Variants in LAMA3 observed in about 807,000 individuals in gnomAD.
LAMA3 encodes laminin subunit alpha-3.
In LAMA3, 281 loss-of-function variants were observed where a neutral mutation model predicts 402.0. That is an observed-to-expected ratio of 0.70 (90% CI 0.63 to 0.77). The LOEUF is 0.77. LAMA3 is among the 30% of genes least tolerant of loss of function. LAMA3 has a pLI of 0.00. For synonymous variants in LAMA3, 1,431 were observed against 1,558.4 expected (o/e 0.92, Z 1.93); for missense variants, 3,840 against 4,215.5 (o/e 0.91, Z 2.47).
In LAMA3 at chr18:23,918,370, C is replaced by G. The variant is rs1478021977; in HGVS notation, c.7923+1675C>G. Among the ~76,000 whole-genome samples the G allele has an allele frequency of 1.3e-5, 2 of 152,156 alleles. No homozygotes were observed. Among genetic ancestry groups the G allele is most frequent in the Non-Finnish European group, 2.9e-5 (2 of 68,028 alleles). ...TTGTTATTTGAGAACCACTGCTTGC[C>G]TAAGAATCTACTTATTCTGACCCAA... On this transcript the variant is annotated intron_variant, in intron 60 of 74. Coordinates refer to ENST00000313654, the MANE Select transcript of LAMA3 (RefSeq NM_198129.4). The surrounding 1 kb of genome is among the most constrained non-coding windows in gnomAD (Gnocchi z 4.1).
At chr18:23,949,709 C>T (rs2082835555) in intron 70 of LAMA3, 56 bp from the exon 71 acceptor site, 9 of 1,579,694 alleles carry the variant, frequency 5.7e-6, no homozygotes, top group Non-Finnish European at 7.8e-6. Context: ...CCTTGGCTAC[C>T]CATGCCTTTC....
At position 23,914,515 on chromosome 18, in the gene LAMA3, A is replaced by G. The variant is rs2081543582; in HGVS notation, c.7435A>G (p.Lys2479Glu). Residue 2479 changes from lysine to glutamate, a missense_variant, in exon 57 of 75, where the codon AAG becomes GAG. This residue lies in a region of LAMA3 where 891 missense variants were observed against 857.5 expected (regional missense o/e 1.04). Transcript: ENST00000313654. ...AELQVDQILTKSETKEAVMDR... is the reference protein window; with the variant it reads ...AELQVDQILTESETKEAVMDR... ...ACTCCAAGTGGACCAGATCTTGACC[A>G]AGAGTGAGACTAAGGAGGCAGTTAT... The G allele has an allele frequency of 1.2e-6, 2 of 1,614,028 alleles. No individual in the cohort carries two copies. The highest frequency in any genetic ancestry group is 2.2e-5 in the South Asian group (2 of 91,074).
At chr18:23,861,495 C>T (rs780091327) in intron 34 of LAMA3, 151 bp from the exon 35 acceptor site, 32 of 793,028 alleles carry the variant, frequency 4.0e-5, no homozygotes, top group Non-Finnish European at 5.9e-5. Context: ...GGCTCTGGCT[C>T]GGGAGGGCAG....
intron 67 of LAMA3, 108 bp from the exon 68 acceptor site, chr18:23,939,115 A>G (rs1158752803): frequency 5.1e-6 from 6 of 1,186,238 alleles, no homozygotes; most frequent in South Asian, 3.7e-5. Context: ...CTATTGCCCT[A>G]CTGAATTCCT....
chr18:23,842,660 A>C lies in LAMA3; in HGVS notation c.3513A>C (p.Gln1171His). The C allele has an allele frequency of 1.9e-6, 3 of 1,614,150 alleles. No individual in the cohort carries two copies. The highest frequency in any genetic ancestry group is 2.5e-6 in the Non-Finnish European group (3 of 1,180,042). ...FCPHVLGCRD[Q>H]VIAEGQIEFD... is the part of the protein sequence containing the mutation. ...CCCATGTGCTTGGCTGCCGGGATCA[A>C]GTGATTGCCGAAGGCCAGATTGAGT... The change falls in exon 29 of 75, where the codon CAA (glutamine) becomes CAC (histidine). Residue 1171 changes from glutamine (Q) to histidine (H), a missense_variant. By Grantham distance (24) the Gln-to-His change is conservative (BLOSUM62 0). Transcript: ENST00000313654.
At chr18:23,776,702 C>T (rs2062327430) in intron 10 of LAMA3, among the ~76,000 whole-genome samples, 1 of 152,108 alleles carries the variant, frequency 6.6e-6, no homozygotes, top group African/African-American at 2.4e-5. Flanking sequence ...TGTTCTCATT[C>T]ACACCTCCCA....
Position 23,839,996 on chromosome 18 carries a change from C to T in LAMA3, c.3336+67C>T, listed in dbSNP as rs1282421245. 5.2e-6 allele frequency: 8 copies of T among 1,538,352 alleles called. No homozygotes were observed. In the East Asian group the frequency reaches 1.8e-4, roughly 35 times the overall value. ...CTCTGAAGCAGCAGCATCCACATCA[C>T]TTGGAAACTTGTCAGCAATGCAGAT... On this transcript the variant is annotated intron_variant, in intron 27 of 74. Transcript: ENST00000313654. This position sits in a 1 kb window ranked among gnomAD's most constrained non-coding sequence, Gnocchi z 4.5.
chr18:23,794,924 A>G (rs1378650352), intron 12 of LAMA3, among the ~76,000 whole-genome samples: 1 of 152,236 alleles, frequency 6.6e-6, no homozygotes, highest in Non-Finnish European at 1.5e-5. Context: ...TATTTTCACA[A>G]AAAACCATAT....
intron 1 of LAMA3, among the ~76,000 whole-genome samples, chr18:23,693,553 C>T (rs1711453): frequency 0.78 from 117,470 of 150,372 alleles, 46,758 homozygotes; most frequent in African/African-American, 0.94. Flanking sequence ...AAAAGAGAAA[C>T]GTACAGTGCA....
chr18:23,938,823 G>GA, intron 67 of LAMA3, among the ~76,000 whole-genome samples: 1 of 109,120 alleles, frequency 9.2e-6, no homozygotes, highest in Non-Finnish European at 2.0e-5. Flanking sequence ...CTCCCCAAAG[G>GA]AGGGAGAGAA....
chr18:23,852,479 T>C (rs1396881425), intron 32 of LAMA3, among the ~76,000 whole-genome samples: 1 of 152,166 alleles, frequency 6.6e-6, no homozygotes, highest in Admixed American at 6.5e-5. Flanking sequence ...CCTTGTGAGG[T>C]TTTTTAGCTT....
rs956953243 is a variant in LAMA3 at position 23,689,549 on chromosome 18, G to A, written c.-135G>A. ...GGGCTTCCAGCGCGTGGAGCAAGGG[G>A]AGCGGCCCCGGCGCCGCCCATATCC... On this transcript the variant is annotated 5_prime_UTR_variant, in exon 1 of 75. Coordinates refer to ENST00000313654, the MANE Select transcript of LAMA3 (RefSeq NM_198129.4). 33 of 856,800 alleles carry A rather than the reference G, an allele frequency of 3.9e-5. No individual in the cohort carries two copies. The highest frequency in any genetic ancestry group is 4.9e-5 in the Non-Finnish European group (32 of 651,162). The allele number at this position is 856,800 out of a possible 1,614,324, so 53.1% of individuals were successfully genotyped here. A position where few individuals can be genotyped will look rare whatever the true frequency, so the allele number is the denominator to read the frequency against.
intron 1 of LAMA3, among the ~76,000 whole-genome samples, chr18:23,712,921 T>C (rs1167024171): frequency 6.6e-6 from 1 of 151,798 alleles, no homozygotes; most frequent in African/African-American, 2.4e-5. Flanking sequence ...GTATGTGAAG[T>C]CCATCCCTGG....
intron 2 of LAMA3, among the ~76,000 whole-genome samples, chr18:23,735,675 C>CGCCAACCT (rs766481525): frequency 6.6e-6 from 1 of 152,176 alleles, no homozygotes; most frequent in Non-Finnish European, 1.5e-5. Context: ...TTACTCCTCA[C>CGCCAACCT]GCCAACCTTG....
chr18:23,858,743 G>C lies in LAMA3; in HGVS notation c.4336G>C (p.Asp1446His). Residue 1446 changes from aspartate to histidine, a missense_variant, in exon 34 of 75, where the codon GAC becomes CAC. Physicochemically the swap from Asp to His is moderately conservative, Grantham distance 81 (BLOSUM62 -1). Coordinates refer to ENST00000313654, the MANE Select transcript of LAMA3 (RefSeq NM_198129.4). ...NVCREGSFHL[D>H]PANLKGCTSC... Reference sequence around the variant, plus strand: ...GTGTCGAGAAGGCTCATTCCATTTGGACCCAGCCAATCTCAAGGGTTGTAC... The same window carrying C: ...GTGTCGAGAAGGCTCATTCCATTTGCACCCAGCCAATCTCAAGGGTTGTAC... The C allele has an allele frequency of 6.2e-7, 1 of 1,614,074 alleles. No homozygotes were observed. Among genetic ancestry groups the C allele is most frequent in the Non-Finnish European group, 8.5e-7 (1 of 1,179,950 alleles).
In LAMA3 at chr18:23,845,027, C is replaced by G; in HGVS notation, c.3622C>G (p.Pro1208Ala). ...SLVLVRVLVVPAENYDYQILH... is the reference protein window; with the variant it reads ...SLVLVRVLVVAAENYDYQILH... Reference sequence around the variant, plus strand: ...CTTTCAGGTCCGTGTTCTAGTGGTGCCTGCAGAAAACTATGACTACCAAAT... The same window carrying G: ...CTTTCAGGTCCGTGTTCTAGTGGTGGCTGCAGAAAACTATGACTACCAAAT... Residue 1208 changes from proline to alanine, a missense_variant, in exon 30 of 75, where the codon CCT (proline) becomes GCT (alanine). Pro to Ala is a conservative substitution (Grantham distance 27). Coordinates refer to ENST00000313654, the MANE Select transcript of LAMA3 (RefSeq NM_198129.4). 2 of 1,601,140 alleles carry G rather than the reference C, an allele frequency of 1.2e-6. No homozygotes were observed. Among genetic ancestry groups the G allele is most frequent in the Non-Finnish European group, 1.7e-6 (2 of 1,168,232 alleles).
intron 11 of LAMA3, among the ~76,000 whole-genome samples, chr18:23,778,991 C>T (rs987984073): frequency 3.9e-5 from 6 of 152,172 alleles, no homozygotes; most frequent in Non-Finnish European, 7.3e-5. Flanking sequence ...GAGAAGGCCT[C>T]ACTGAAGCAG....
At chr18:23,694,794 TAGGATCATG>T (rs1181619460) in intron 1 of LAMA3, among the ~76,000 whole-genome samples, 1 of 152,230 alleles carries the variant, frequency 6.6e-6, no homozygotes, top group African/African-American at 2.4e-5. Flanking sequence ...GTCTCCTTAT[TAGGATCATG>T]AGCTTCCTGA....
Position 23,950,061 on chromosome 18 carries a change from C to T in LAMA3, c.9544C>T (p.Leu3182Phe). 1 of 1,614,112 alleles carries T rather than the reference C, an allele frequency of 6.2e-7. No individual in the cohort carries two copies. The highest frequency in any genetic ancestry group is 1.3e-5 in the African/African-American group (1 of 75,022). ...TGTATTGTTGGGGCCAGAATTTAAG[C>T]TTGTTTTCAGCATCCGCCCAAGAAG... The part of the protein sequence containing the change: ...HSVLLGPEFK[L>F]VFSIRPRSLT... The change falls in exon 72 of 75, where the codon CTT (leucine) becomes TTT (phenylalanine). Residue 3182 changes from leucine to phenylalanine, a missense_variant. Around this residue, in one of 3 missense-constraint regions of LAMA3, gnomAD observed 840 missense variants for 981.9 expected, o/e 0.86. Transcript: ENST00000313654.
Sources: allele counts gnomAD v4.1 joint callset (sites outside exome capture counted in the v4.1 genomes callset), GRCh38; gene constraint gnomAD v4.1.1; regional missense constraint gnomAD v4.1.1; non-coding constraint Gnocchi (gnomAD v3.1); transcripts MANE v1.5; gene names NCBI Gene and HGNC (gene_info 2026-07-23, HGNC 2026-07-21).